The following ASS1 variants were observed in gnomAD, a reference collection of about 807,000 sequenced individuals.
ASS1 encodes argininosuccinate synthase 1, also known as argininosuccinate synthase.
ASS1 carries 58 observed loss-of-function variants against 60.5 expected under a neutral mutation model. The ratio of observed to expected loss-of-function variants is 0.96; its 90% CI spans 0.78 to 1.19. The LOEUF (loss-of-function observed/expected upper bound fraction) is 1.19, where lower values mean the gene tolerates loss of function less well. Among genes scored for constraint, ASS1 ranks in the 50% most tolerant of loss-of-function variants. The pLI is 0.00. For missense variants in ASS1, 454 were observed against 547.3 expected (o/e 0.83, Z 1.70); for synonymous variants, 200 against 206.9 (o/e 0.97, Z 0.29).
intron 1 of ASS1, among the ~76,000 whole-genome samples, chr9:130,446,795 A>T (rs1257965394): frequency 6.6e-6 from 1 of 152,210 alleles, no homozygotes; most frequent in Non-Finnish European, 1.5e-5. Flanking sequence ...CTGACTACAC[A>T]GTCCCTGAAG....
Position 130,476,112 on chromosome 9 carries a change from G to T in ASS1, c.598-759G>T, listed in dbSNP as rs922161353. 1.3e-5 allele frequency among the ~76,000 whole-genome samples: 2 copies of T among 152,162 alleles called. No individual in the cohort carries two copies. The highest frequency in any genetic ancestry group is 6.5e-5 in the Admixed American group (1 of 15,284). ...GACAGCAGTTCCTGGATGTCAGCAG[G>T]TGAACAAGGACCCCAGGCACAGGAT... On this transcript the variant is annotated intron_variant, in intron 8 of 14. Transcript: ENST00000352480. This position sits in a 1 kb window ranked among gnomAD's most constrained non-coding sequence, Gnocchi z 4.9.
chr9:130,472,283 G>T (rs1010155528), intron 8 of ASS1, among the ~76,000 whole-genome samples: 4 of 152,120 alleles, frequency 2.6e-5, no homozygotes, highest in African/African-American at 9.7e-5. Flanking sequence ...CAGCTGGAGG[G>T]GAGGGTGCCC....
rs1393386082 is a variant in ASS1, at chr9:130,452,220, C to T, written c.-5-4C>T. The T allele has an allele frequency of 2.5e-6, 4 of 1,613,916 alleles. No homozygotes were observed. The highest frequency in any genetic ancestry group is 2.5e-6 in the Non-Finnish European group (3 of 1,179,878). On this transcript the variant is annotated splice_region_variant and splice_polypyrimidine_tract_variant and intron_variant, in intron 1 of 14. Coordinates refer to ENST00000352480, the MANE Select transcript of ASS1 (RefSeq NM_054012.4). Reference sequence around the variant, plus strand: ...CACTCAGGTTGTTCCTCGACTCCCGCCAGACGCTATGTCCAGCAAAGGCTC... The same window carrying T: ...CACTCAGGTTGTTCCTCGACTCCCGTCAGACGCTATGTCCAGCAAAGGCTC...
chr9:130,498,071 C>T (rs1253836688), intron 13 of ASS1, among the ~76,000 whole-genome samples: 2 of 152,076 alleles, frequency 1.3e-5, no homozygotes, highest in Non-Finnish European at 2.9e-5. Flanking sequence ...CAGAGAGTTC[C>T]ACGCACCCAC....
At chr9:130,448,218 C>G (rs552010324) in intron 1 of ASS1, among the ~76,000 whole-genome samples, 8 of 152,056 alleles carry the variant, frequency 5.3e-5, no homozygotes, top group Non-Finnish European at 1.0e-4. Context: ...AGGGCAGGAG[C>G]AACGCTGCTG....
At chr9:130,449,332 G>T (rs1039886382) in intron 1 of ASS1, among the ~76,000 whole-genome samples, 22 of 113,228 alleles carry the variant, frequency 1.9e-4, no homozygotes, top group Non-Finnish European at 3.6e-4. Flanking sequence ...GACAGAATGA[G>T]ACCCTGTCTG....
intron 1 of ASS1, 70 bp downstream of exon 1, chr9:130,445,065 A>T: frequency 1.3e-6 from 1 of 783,278 alleles, no homozygotes; most frequent in East Asian, 1.3e-4. Flanking sequence ...GGCCCAGAGG[A>T]GGAGGCGTAG....
intron 12 of ASS1, among the ~76,000 whole-genome samples, chr9:130,492,702 G>A (rs1846477372): frequency 6.6e-6 from 1 of 152,154 alleles, no homozygotes; most frequent in Non-Finnish European, 1.5e-5. Context: ...AATAAAATGG[G>A]TATAATGTGC....
At position 130,463,983 on chromosome 9, in the gene ASS1, G is replaced by A. The variant is rs1026093092; in HGVS notation, c.364-128G>A. On this transcript the variant is annotated intron_variant, in intron 4 of 14. Transcript: ENST00000352480. ...CACACATACACGACCTACACTGCAT[G>A]ACCTCACATGTGTACACGCTCTGCC... 1.1e-4 allele frequency: 100 copies of A among 943,884 alleles called. 1 individual carries two copies. The highest frequency in any genetic ancestry group is 1.5e-4 in the Non-Finnish European group (90 of 586,444). 58.5% of individuals were successfully genotyped at this position (943,884 alleles called of 1,614,324 possible). A position where few individuals can be genotyped will look rare whatever the true frequency, so the allele number is the denominator to read the frequency against.
intron 11 of ASS1, among the ~76,000 whole-genome samples, chr9:130,484,577 T>A (rs1376169868): frequency 6.6e-6 from 1 of 152,136 alleles, no homozygotes; most frequent in Middle Eastern, 3.2e-3. Flanking sequence ...GCTGTGTGTG[T>A]CACTCCAAAG....
chr9:130,483,148 A>C (rs1026313073), intron 11 of ASS1, among the ~76,000 whole-genome samples: 2 of 152,186 alleles, frequency 1.3e-5, no homozygotes, highest in African/African-American at 2.4e-5. Flanking sequence ...GAGAGACGGT[A>C]AATTAGGGCA....
At chr9:130,479,358 G>C (rs1161615421) in intron 9 of ASS1, among the ~76,000 whole-genome samples, 1 of 152,134 alleles carries the variant, frequency 6.6e-6, no homozygotes, top group Admixed American at 6.5e-5. Flanking sequence ...GCGGCCCCCG[G>C]GTGACTGGTG....
intron 4 of ASS1, among the ~76,000 whole-genome samples, chr9:130,461,472 C>CA (rs1845592578): frequency 7.7e-6 from 1 of 129,948 alleles, no homozygotes; most frequent in Non-Finnish European, 1.8e-5. Flanking sequence ...GAGAACGCCC[C>CA]CCAAGCTAGT....
At position 130,477,026 on chromosome 9, in the gene ASS1, C is replaced by T. The variant is rs1846040100; in HGVS notation, c.688+65C>T. On this transcript the variant is annotated intron_variant, in intron 9 of 14. Transcript: ENST00000352480. This position sits in a 1 kb window ranked among gnomAD's most constrained non-coding sequence, Gnocchi z 4.2. Reference sequence around the variant, plus strand: ...TTGGGGCCCTGGCTCCTTTCCCCTCCCTGCCTGGGAACCTAGGCCCTCTTT... The same window carrying T: ...TTGGGGCCCTGGCTCCTTTCCCCTCTCTGCCTGGGAACCTAGGCCCTCTTT... 6.6e-7 allele frequency: 1 copy of T among 1,521,192 alleles called. No individual in the cohort carries two copies. The highest frequency in any genetic ancestry group is 1.4e-5 in the African/African-American group (1 of 72,728). 94.2% of individuals were successfully genotyped at this position (1,521,192 alleles called of 1,614,324 possible).
chr9:130,469,383 G>T (rs568365726), intron 6 of ASS1, among the ~76,000 whole-genome samples: 1 of 152,146 alleles, frequency 6.6e-6, no homozygotes, highest in Admixed American at 6.5e-5. Context: ...AGGCTCTTAG[G>T]GGCCCTTAGT....
At chr9:130,463,708 G>A (rs986434487) in intron 4 of ASS1, among the ~76,000 whole-genome samples, 2 of 152,208 alleles carry the variant, frequency 1.3e-5, no homozygotes, top group Non-Finnish European at 2.9e-5. Context: ...CAAGCACCCT[G>A]GTGCCCCAGC....
In ASS1 at chr9:130,491,202, G is replaced by A. The variant is rs762942320; in HGVS notation, c.970+1738G>A. On this transcript the variant is annotated intron_variant, in intron 12 of 14. Coordinates refer to ENST00000352480, the MANE Select transcript of ASS1 (RefSeq NM_054012.4). The surrounding 1 kb of genome is among the most constrained non-coding windows in gnomAD (Gnocchi z 5.3). Reference sequence around the variant, plus strand: ...CCCCCGTTCCCAGGGACAGACAGGTGCTTAAATACCATTGTCTCCTGCAGG... The same window carrying A: ...CCCCCGTTCCCAGGGACAGACAGGTACTTAAATACCATTGTCTCCTGCAGG... Among the ~76,000 whole-genome samples the A allele has an allele frequency of 1.6e-4, 24 of 152,314 alleles. No homozygotes were observed. Among genetic ancestry groups the A allele is most frequent in the Non-Finnish European group, 3.1e-4 (21 of 68,034 alleles).
At position 130,479,769 on chromosome 9, in the gene ASS1, T is replaced by C; in HGVS notation, c.742T>C (p.Leu248=). The change falls in exon 10 of 15, where the codon TTG becomes CTG. Residue 248 remains leucine, a synonymous_variant. Transcript: ENST00000352480. Reference sequence around the variant, plus strand: ...GGATGGCACCACCCACCAGACCTCCTTGGAGCTCTTCATGTACCTGAACGA... The same window carrying C: ...GGATGGCACCACCCACCAGACCTCCCTGGAGCTCTTCATGTACCTGAACGA... ...VKDGTTHQTS[L]ELFMYLNEVA... is the part of the protein sequence containing the mutation. The C allele has an allele frequency of 6.2e-7, 1 of 1,614,236 alleles. No homozygotes were observed. Among genetic ancestry groups the C allele is most frequent in the Non-Finnish European group, 8.5e-7 (1 of 1,180,018 alleles).
intron 11 of ASS1, among the ~76,000 whole-genome samples, chr9:130,485,602 G>A (rs1488132893): frequency 6.6e-6 from 1 of 152,110 alleles, no homozygotes; most frequent in Non-Finnish European, 1.5e-5. Flanking sequence ...TCCTGCTACC[G>A]GCCTACCCAG....
Sources: gnomAD v4.1 joint callset for allele counts (sites outside exome capture counted in the v4.1 genomes callset) on GRCh38, gnomAD v4.1.1 for gene constraint, Gnocchi (gnomAD v3.1) non-coding constraint, MANE v1.5 for transcripts, NCBI Gene and HGNC (gene_info 2026-07-23, HGNC 2026-07-21) for gene names.